ASXL3: variants seen among roughly 807,000 people sequenced by gnomAD.
The protein encoded by ASXL3 is putative Polycomb group protein ASXL3.
ASXL3 carries 34 observed loss-of-function variants against 170.6 expected under a neutral mutation model. That is an observed-to-expected ratio of 0.20 (90% CI 0.15 to 0.27). ASXL3 has a LOEUF of 0.27. ASXL3 is among the 10% of genes least tolerant of loss of function. The probability of loss-of-function intolerance (pLI) is 1.00; values close to 1 mark genes in which losing one functional copy is unlikely to be tolerated. For synonymous variants in ASXL3, 1,002 were observed against 989.1 expected (o/e 1.01, Z -0.24); for missense variants, 2,592 against 2,695.3 (o/e 0.96, Z 0.85).
At chr18:33,628,624 A>G (rs2065634471) in intron 2 of ASXL3, among the ~76,000 whole-genome samples, 1 of 152,220 alleles carries the variant, frequency 6.6e-6, no homozygotes, top group Non-Finnish European at 1.5e-5. Context: ...TACTCTAAGG[A>G]TCTGTGCATG....
intron 10 of ASXL3, among the ~76,000 whole-genome samples, chr18:33,737,790 C>A (rs1003357923): frequency 6.6e-6 from 1 of 151,976 alleles, no homozygotes; most frequent in Non-Finnish European, 1.5e-5. Flanking sequence ...GATTAGTTTA[C>A]AAAAACCAAT....
intron 4 of ASXL3, among the ~76,000 whole-genome samples, chr18:33,651,752 C>T (rs976624139): frequency 1.1e-4 from 17 of 151,978 alleles, no homozygotes; most frequent in African/African-American, 4.1e-4. Context: ...AGTTTGATTC[C>T]AGTCATTAAC....
chr18:33,694,856 CTTTTGCAGAGAA>C (rs1275444377), intron 8 of ASXL3, among the ~76,000 whole-genome samples: 1 of 152,064 alleles, frequency 6.6e-6, no homozygotes, highest in Non-Finnish European at 1.5e-5. Context: ...TACACAGTCC[CTTTTGCAGAGAA>C]TTTTGGACTA....
At chr18:33,701,911 T>G (rs553763565) in intron 8 of ASXL3, among the ~76,000 whole-genome samples, 1 of 151,850 alleles carries the variant, frequency 6.6e-6, no homozygotes, top group African/African-American at 2.4e-5. Flanking sequence ...CTGTCTTCTT[T>G]AGAGTGCATA....
chr18:33,699,782 A>G (rs1375093769), intron 8 of ASXL3, among the ~76,000 whole-genome samples: 1 of 152,208 alleles, frequency 6.6e-6, no homozygotes, highest in East Asian at 1.9e-4. Context: ...TTGCTGTAAT[A>G]CATGGGGTAT....
intron 2 of ASXL3, among the ~76,000 whole-genome samples, chr18:33,616,325 T>C (rs368178607): frequency 3.2e-4 from 49 of 152,194 alleles, no homozygotes; most frequent in African/African-American, 1.1e-3. Context: ...TTGTGAAATG[T>C]CCCGTTATTT....
intron 8 of ASXL3, among the ~76,000 whole-genome samples, chr18:33,720,326 CTG>C (rs1248853144): frequency 6.6e-6 from 1 of 152,064 alleles, no homozygotes; most frequent in Non-Finnish European, 1.5e-5. Context: ...TTAAACACAG[CTG>C]TTCAGTGTAT....
chr18:33,660,460 G>A (rs9958446), intron 4 of ASXL3, among the ~76,000 whole-genome samples: 87 of 152,144 alleles, frequency 5.7e-4, no homozygotes, highest in African/African-American at 2.0e-3. Flanking sequence ...TGCTTCCTTT[G>A]TTACTACAAT....
intron 1 of ASXL3, among the ~76,000 whole-genome samples, chr18:33,583,926 A>C (rs1481887025): frequency 6.6e-6 from 1 of 152,328 alleles, no homozygotes; most frequent in South Asian, 2.1e-4. Context: ...GCTGTTGAGG[A>C]TACAAAGATA....
chr18:33,672,641 C>T (rs1941695), intron 7 of ASXL3, among the ~76,000 whole-genome samples: 85,871 of 152,024 alleles, frequency 0.56, 24,823 homozygotes, highest in East Asian at 0.89. Flanking sequence ...TGGATCGTTA[C>T]AATATTTTGT....
At chr18:33,710,155 C>T (rs1386133236) in intron 8 of ASXL3, among the ~76,000 whole-genome samples, 1 of 152,190 alleles carries the variant, frequency 6.6e-6, no homozygotes, top group African/African-American at 2.4e-5. Flanking sequence ...ACTCAGGAGG[C>T]TGAGGCAGGA....
In ASXL3 at chr18:33,636,346, AGCC is replaced by A. The variant is rs1421194431; in HGVS notation, c.138-8547_138-8545del. Among the ~76,000 whole-genome samples, 61 of 40,198 alleles carry A rather than the reference AGCC, an allele frequency of 1.5e-3. No homozygotes were observed. In the East Asian group the frequency reaches 0.016, roughly 11 times the overall value. The allele number at this position is 40,198 out of a possible 152,430, so 26.4% of individuals were successfully genotyped here. A position where few individuals can be genotyped will look rare whatever the true frequency, so the allele number is the denominator to read the frequency against. On this transcript the variant is annotated intron_variant, in intron 2 of 11. Coordinates refer to ENST00000269197, the MANE Select transcript of ASXL3 (RefSeq NM_030632.3). ...CAACAACAACAACAGCAACAACAAC[AGCC>A]ACAACAACAGCCACAACAACAGCCA...
intron 1 of ASXL3, among the ~76,000 whole-genome samples, chr18:33,597,228 A>G (rs1020475694): frequency 1.3e-5 from 2 of 152,114 alleles, no homozygotes; most frequent in Admixed American, 6.5e-5. Context: ...ATTAACGCTA[A>G]TATTTTTATA....
At position 33,738,660 on chromosome 18, in the gene ASXL3, G is replaced by A; in HGVS notation, c.1256G>A (p.Cys419Tyr). Reference sequence around the variant, plus strand: ...CCAGCTTCTCCAGAGCCTGGTTTCTGTGCTACTCTTTGCCCTATGGTAGAA... The same window carrying A: ...CCAGCTTCTCCAGAGCCTGGTTTCTATGCTACTCTTTGCCCTATGGTAGAA... ...KSPASPEPGF[C>Y]ATLCPMVEIP... The change falls in exon 11 of 12, where the codon TGT becomes TAT. Residue 419 changes from cysteine (C) to tyrosine (Y), a missense_variant. By Grantham distance (194) the Cys-to-Tyr change is radical. Transcript: ENST00000269197. 1.1e-5 allele frequency: 18 copies of A among 1,613,926 alleles called. No homozygotes were observed. Among genetic ancestry groups the A allele is most frequent in the Admixed American group, 1.7e-5 (1 of 60,010 alleles).
chr18:33,591,819 T>G (rs1331976226), intron 1 of ASXL3, among the ~76,000 whole-genome samples: 3 of 151,974 alleles, frequency 2.0e-5, no homozygotes, highest in Non-Finnish European at 4.4e-5. Context: ...TTTTTTGTAT[T>G]TTTAGTAGAG....
intron 8 of ASXL3, among the ~76,000 whole-genome samples, chr18:33,726,532 A>G (rs542033278): frequency 2.0e-5 from 3 of 152,276 alleles, no homozygotes; most frequent in South Asian, 2.1e-4. Flanking sequence ...AGAATGTAAA[A>G]TATCTCATTA....
intron 4 of ASXL3, among the ~76,000 whole-genome samples, chr18:33,650,980 T>A (rs1173437929): frequency 6.6e-6 from 1 of 152,084 alleles, no homozygotes. Flanking sequence ...TATTTTTACC[T>A]CTGAGGGAAC....
At chr18:33,700,156 T>G (rs1234843323) in intron 8 of ASXL3, among the ~76,000 whole-genome samples, 1 of 152,044 alleles carries the variant, frequency 6.6e-6, no homozygotes, top group East Asian at 1.9e-4. Flanking sequence ...GTTTATTTTT[T>G]CATGTGGCAG....
intron 8 of ASXL3, among the ~76,000 whole-genome samples, chr18:33,718,137 CT>C (rs1449580959): frequency 6.6e-6 from 1 of 152,078 alleles, no homozygotes; most frequent in Non-Finnish European, 1.5e-5. Flanking sequence ...AAACGAGTTC[CT>C]TCAACATTAA....
Sources: allele counts gnomAD v4.1 joint callset (sites outside exome capture counted in the v4.1 genomes callset), GRCh38; gene constraint gnomAD v4.1.1; transcripts MANE v1.5; gene names NCBI Gene and HGNC (gene_info 2026-07-23, HGNC 2026-07-21).